Variants in AGBL4 observed in about 807,000 individuals in gnomAD.
AGBL4 encodes the protein cytosolic carboxypeptidase 6.
AGBL4 carries 58 observed loss-of-function variants against 66.4 expected under a neutral mutation model. The observed-to-expected ratio is 0.87, with a 90% CI of 0.71 to 1.09. The LOEUF is 1.09. AGBL4 is among the 50% of genes least tolerant of loss of function. The pLI is 0.00. For missense variants in AGBL4, 579 were observed against 631.0 expected (o/e 0.92, Z 0.88); for synonymous variants, 234 against 222.9 (o/e 1.05, Z -0.44).
At chr1:48,825,313 T>C (rs1445763859) in intron 6 of AGBL4, among the ~76,000 whole-genome samples, 3 of 152,190 alleles carry the variant, frequency 2.0e-5, no homozygotes, top group East Asian at 3.9e-4. Flanking sequence ...GTCAGTTTTA[T>C]AGAAGATTCT....
intron 1 of AGBL4, among the ~76,000 whole-genome samples, chr1:49,948,578 T>G (rs113117600): frequency 0.58 from 72,836 of 126,128 alleles, 23,624 homozygotes; most frequent in Non-Finnish European, 0.73. Flanking sequence ...TATATATATA[T>G]ATATAGAGAG....
intron 6 of AGBL4, among the ~76,000 whole-genome samples, chr1:48,843,548 T>C (rs1646850879): frequency 6.6e-6 from 1 of 152,162 alleles, no homozygotes; most frequent in African/African-American, 2.4e-5. Flanking sequence ...AAAAGAAGAA[T>C]ATCTTATGAC....
In AGBL4 at chr1:49,120,033, T is replaced by C. The variant is rs181743340; in HGVS notation, c.378-74233A>G. Among the ~76,000 whole-genome samples the C allele has an allele frequency of 2.2e-3, 330 of 152,334 alleles. 2 individuals are homozygous for C. Among genetic ancestry groups the C allele is most frequent in the African/African-American group, 7.6e-3 (318 of 41,580 alleles). On this transcript the variant is annotated intron_variant, in intron 4 of 13. Coordinates refer to ENST00000371839, the MANE Select transcript of AGBL4 (RefSeq NM_032785.4). ...TTTTTTTTGCTTTCCATTTGCTTGG[T>C]AGATCTTTCTCCATCCCTTTATTTT...
chr1:49,688,283 T>C (rs1172347091), intron 3 of AGBL4, among the ~76,000 whole-genome samples: 1 of 152,194 alleles, frequency 6.6e-6, no homozygotes, highest in Admixed American at 6.5e-5. Context: ...TAAATTGTTT[T>C]AATTTTTAGC....
intron 1 of AGBL4, among the ~76,000 whole-genome samples, chr1:50,013,693 G>C (rs1183575860): frequency 6.6e-6 from 1 of 152,112 alleles, no homozygotes; most frequent in East Asian, 1.9e-4. Flanking sequence ...AAATTATTAA[G>C]TTCTTCCTAA....
rs567655907 is a variant in AGBL4, at chr1:48,783,519, G to A, written c.634+83672C>T. On this transcript the variant is annotated intron_variant, in intron 6 of 13. Coordinates refer to ENST00000371839, the MANE Select transcript of AGBL4 (RefSeq NM_032785.4). ...TGACAGATTGGAGGGCCAAAGAAATGTGGGCTTAGGAATCAAACCAGTGGT... is the reference window on the plus strand; with the variant it reads ...TGACAGATTGGAGGGCCAAAGAAATATGGGCTTAGGAATCAAACCAGTGGT... Among the ~76,000 whole-genome samples the A allele has an allele frequency of 9.3e-4, 142 of 152,276 alleles. 2 individuals are homozygous for A. The Middle Eastern group carries it at 0.017, about 18-fold the overall frequency.
At chr1:49,381,121 T>C (rs1290564350) in intron 3 of AGBL4, among the ~76,000 whole-genome samples, 2 of 151,970 alleles carry the variant, frequency 1.3e-5, no homozygotes, top group African/African-American at 4.8e-5. Flanking sequence ...ATATCCAGAA[T>C]CTACAAAGAA....
At chr1:49,880,500 G>T (rs1389382778) in intron 1 of AGBL4, among the ~76,000 whole-genome samples, 1 of 152,122 alleles carries the variant, frequency 6.6e-6, no homozygotes, top group Non-Finnish European at 1.5e-5. Context: ...ACCCACTTGA[G>T]GAGGCAGTCT....
At chr1:49,938,011 A>T (rs182510198) in intron 1 of AGBL4, among the ~76,000 whole-genome samples, 12,162 of 148,536 alleles carry the variant, frequency 0.082, 685 homozygotes, top group African/African-American at 0.15. Flanking sequence ...AGAACTGAAG[A>T]AAATAGAGAC....
At chr1:49,069,671 C>T (rs1290674604) in intron 4 of AGBL4, among the ~76,000 whole-genome samples, 2 of 151,874 alleles carry the variant, frequency 1.3e-5, no homozygotes, top group Non-Finnish European at 2.9e-5. Flanking sequence ...AGCGTGACAC[C>T]TCCAGCTGTG....
intron 3 of AGBL4, among the ~76,000 whole-genome samples, chr1:49,264,380 C>G (rs1252971327): frequency 1.3e-5 from 2 of 152,034 alleles, no homozygotes; most frequent in African/African-American, 4.8e-5. Flanking sequence ...GTAGTTTTTT[C>G]CAAACGGTTA....
intron 5 of AGBL4, among the ~76,000 whole-genome samples, chr1:48,874,148 T>C (rs1040735816): frequency 6.6e-6 from 1 of 152,158 alleles, no homozygotes; most frequent in Non-Finnish European, 1.5e-5. Flanking sequence ...GGGGGAGGAC[T>C]TGGGGATCAA....
intron 3 of AGBL4, among the ~76,000 whole-genome samples, chr1:49,551,417 T>C (rs1652944701): frequency 6.6e-6 from 1 of 152,214 alleles, no homozygotes; most frequent in Non-Finnish European, 1.5e-5. Context: ...CCTTCTCATT[T>C]GGGTAGACTC....
At chr1:49,745,115 T>C (rs946954801) in intron 2 of AGBL4, among the ~76,000 whole-genome samples, 18 of 151,916 alleles carry the variant, frequency 1.2e-4, no homozygotes. Flanking sequence ...AAGGCATAAA[T>C]GGAAAAATGG....
chr1:49,337,715 G>C (rs1053608879), intron 3 of AGBL4, among the ~76,000 whole-genome samples: 8 of 152,162 alleles, frequency 5.3e-5, no homozygotes, highest in African/African-American at 1.9e-4. Flanking sequence ...CTTTCATCTA[G>C]CTAGAAACTG....
chr1:49,437,672 T>C (rs1645932027), intron 3 of AGBL4, among the ~76,000 whole-genome samples: 1 of 152,178 alleles, frequency 6.6e-6, no homozygotes, highest in African/African-American at 2.4e-5. Context: ...CCCAAATCTA[T>C]GTGTGAAAGT....
At chr1:49,981,697 A>C (rs984170396) in intron 1 of AGBL4, among the ~76,000 whole-genome samples, 1 of 152,180 alleles carries the variant, frequency 6.6e-6, no homozygotes, top group East Asian at 1.9e-4. Context: ...GATCAAGATA[A>C]TAATCGCATT....
chr1:49,392,836 T>G (rs994852413), intron 3 of AGBL4, among the ~76,000 whole-genome samples: 8 of 152,228 alleles, frequency 5.3e-5, no homozygotes, highest in African/African-American at 1.9e-4. Flanking sequence ...CTGATCTTTA[T>G]TTTCTTCAGA....
intron 3 of AGBL4, among the ~76,000 whole-genome samples, chr1:49,655,622 C>T (rs918675674): frequency 2.5e-4 from 38 of 151,912 alleles, no homozygotes; most frequent in African/African-American, 8.5e-4. Context: ...AAATTGACAC[C>T]CTCACATCAC....
Sources: gnomAD v4.1 joint callset for allele counts (sites outside exome capture counted in the v4.1 genomes callset) on GRCh38, gnomAD v4.1.1 for gene constraint, MANE v1.5 for transcripts, NCBI Gene and HGNC (gene_info 2026-07-23, HGNC 2026-07-21) for gene names.